The following XKR4 variants were observed in gnomAD, a reference collection of about 807,000 sequenced individuals.
XKR4 encodes XK-related protein 4.
XKR4 carries 12 observed loss-of-function variants against 53.9 expected under a neutral mutation model. The observed-to-expected ratio is 0.22, with a 90% CI of 0.14 to 0.36. The LOEUF is 0.36. XKR4 is among the 10% of genes least tolerant of loss of function. XKR4 has a pLI of 1.00. For missense variants in XKR4, 799 were observed against 859.5 expected (o/e 0.93, Z 0.88); for synonymous variants, 354 against 362.4 (o/e 0.98, Z 0.26).
At chr8:55,331,865 A>G (rs1413165755) in intron 1 of XKR4, among the ~76,000 whole-genome samples, 2 of 152,214 alleles carry the variant, frequency 1.3e-5, no homozygotes, top group East Asian at 3.9e-4. Context: ...ACAGCATGTA[A>G]TTGGGTGCTG....
At chr8:55,179,133 A>G (rs11997430) in intron 1 of XKR4, among the ~76,000 whole-genome samples, 14,475 of 152,160 alleles carry the variant, frequency 0.095, 1,900 homozygotes, top group African/African-American at 0.29. Flanking sequence ...TAAAATATCA[A>G]AGTTTACTAG....
intron 2 of XKR4, among the ~76,000 whole-genome samples, chr8:55,369,616 A>G (rs1342056225): frequency 6.6e-6 from 1 of 151,984 alleles, no homozygotes; most frequent in Non-Finnish European, 1.5e-5. Flanking sequence ...CCCCTAAGAA[A>G]TAATTAAGAA....
In XKR4 at chr8:55,165,295, A is replaced by G. The variant is rs907577357; in HGVS notation, c.806+62001A>G. ...ACCAGGGCTAATCAAAATGCCAGCT[A>G]TTTTAAGATCTTTGACCATGTAATG... On this transcript the variant is annotated intron_variant, in intron 1 of 2. Transcript: ENST00000327381. Among the ~76,000 whole-genome samples the G allele has an allele frequency of 9.9e-5, 15 of 152,258 alleles. 1 individual carries two copies. The highest frequency in any genetic ancestry group is 8.5e-4 in the Admixed American group (13 of 15,304).
At position 55,525,477 on chromosome 8, in the gene XKR4, C is replaced by A. The variant is rs1806870982; in HGVS notation, c.*1250C>A. 1 of 152,512 alleles carries A rather than the reference C, an allele frequency of 6.6e-6. No individual in the cohort carries two copies. Among genetic ancestry groups the A allele is most frequent in the Non-Finnish European group, 1.5e-5 (1 of 68,010 alleles). The allele number at this position is 152,512 out of a possible 1,614,324, so 9.4% of individuals were successfully genotyped here. A position where few individuals can be genotyped will look rare whatever the true frequency, so the allele number is the denominator to read the frequency against. On this transcript the variant is annotated 3_prime_UTR_variant, in exon 3 of 3. Coordinates refer to ENST00000327381, the MANE Select transcript of XKR4 (RefSeq NM_052898.2). ...TGCAATGAATATGCTATGAAAAAAC[C>A]CTTCTGAACTGAGAGAGGGCTTATC...
chr8:55,487,328 C>CA (rs1806208036), intron 2 of XKR4, among the ~76,000 whole-genome samples: 1 of 152,218 alleles, frequency 6.6e-6, no homozygotes, highest in African/African-American at 2.4e-5. Context: ...AGCCCACAGT[C>CA]AGTTGGCTGG....
At chr8:55,140,226 A>G (rs1464700879) in intron 1 of XKR4, 1 of 386,426 alleles carries the variant, frequency 2.6e-6, no homozygotes, top group Non-Finnish European at 5.0e-6. Flanking sequence ...TCTAATAAAT[A>G]ATGATTAGTT....
At chr8:55,238,928 C>T (rs1353325124) in intron 1 of XKR4, among the ~76,000 whole-genome samples, 1 of 152,160 alleles carries the variant, frequency 6.6e-6, no homozygotes, top group Non-Finnish European at 1.5e-5. Flanking sequence ...AGTTACAACT[C>T]AGTTCTCTAT....
intron 2 of XKR4, among the ~76,000 whole-genome samples, chr8:55,495,564 G>T (rs541638676): frequency 9.2e-4 from 140 of 152,320 alleles, no homozygotes; most frequent in African/African-American, 3.3e-3. Context: ...GTGGCTTCCA[G>T]GGTCGTGGGC....
chr8:55,279,407 C>T (rs1585983369), intron 1 of XKR4, among the ~76,000 whole-genome samples: 2 of 152,300 alleles, frequency 1.3e-5, no homozygotes, highest in South Asian at 4.1e-4. Flanking sequence ...AGTGGCTCCA[C>T]TCTCGGCTTG....
At chr8:55,254,674 T>A (rs1481738200) in intron 1 of XKR4, among the ~76,000 whole-genome samples, 1 of 152,148 alleles carries the variant, frequency 6.6e-6, no homozygotes, top group East Asian at 1.9e-4. Context: ...GGGAACGATA[T>A]GCCAAACTGT....
chr8:55,433,009 G>A (rs1265948001), intron 2 of XKR4, among the ~76,000 whole-genome samples: 1 of 152,138 alleles, frequency 6.6e-6, no homozygotes, highest in Non-Finnish European at 1.5e-5. Context: ...TGGCAAACTG[G>A]CTTGTAAAGG....
intron 2 of XKR4, among the ~76,000 whole-genome samples, chr8:55,402,832 A>G (rs552188803): frequency 7.9e-5 from 12 of 152,170 alleles, no homozygotes; most frequent in Non-Finnish European, 1.8e-4. Context: ...AGATGAATGG[A>G]TATGAAAACT....
chr8:55,436,364 T>C (rs1194155395), intron 2 of XKR4, among the ~76,000 whole-genome samples: 1 of 152,192 alleles, frequency 6.6e-6, no homozygotes, highest in East Asian at 1.9e-4. Context: ...AGTCTGCAGA[T>C]GTGCTTTTAA....
intron 2 of XKR4, among the ~76,000 whole-genome samples, chr8:55,401,317 G>T (rs1563341328): frequency 6.6e-6 from 1 of 152,234 alleles, no homozygotes; most frequent in Non-Finnish European, 1.5e-5. Context: ...AGCACACAAG[G>T]AGTGGGAGGC....
intron 1 of XKR4, among the ~76,000 whole-genome samples, chr8:55,353,365 G>A (rs1803753567): frequency 6.6e-6 from 1 of 152,128 alleles, no homozygotes; most frequent in Admixed American, 6.5e-5. Flanking sequence ...ACACACACAG[G>A]GAGAATGCCC....
Position 55,463,800 on chromosome 8 carries a change from A to G in XKR4, c.1007-59481A>G, listed in dbSNP as rs576810893. On this transcript the variant is annotated intron_variant, in intron 2 of 2. Coordinates refer to ENST00000327381, the MANE Select transcript of XKR4 (RefSeq NM_052898.2). ...AAAAAATGATAAAGGGGATATCACC[A>G]CCAATCCCACAGAAATACAAACTAC... Among the ~76,000 whole-genome samples, 19 of 152,290 alleles carry G rather than the reference A, an allele frequency of 1.2e-4. No homozygotes were observed. The East Asian group carries it at 3.7e-3, about 29-fold the overall frequency.
chr8:55,485,976 G>C (rs1329181743), intron 2 of XKR4, among the ~76,000 whole-genome samples: 1 of 152,066 alleles, frequency 6.6e-6, no homozygotes, highest in Non-Finnish European at 1.5e-5. Flanking sequence ...TTCTTAAAAG[G>C]GAATTTAAGA....
intron 2 of XKR4, among the ~76,000 whole-genome samples, chr8:55,445,448 T>C (rs1805333793): frequency 6.6e-6 from 1 of 152,202 alleles, no homozygotes; most frequent in South Asian, 2.1e-4. Context: ...TATTTAATTT[T>C]ATATAAAGTG....
chr8:55,386,881 T>TA (rs1434724759), intron 2 of XKR4, among the ~76,000 whole-genome samples: 1 of 152,258 alleles, frequency 6.6e-6, no homozygotes, highest in African/African-American at 2.4e-5. Flanking sequence ...CCCTCACTTC[T>TA]AAAAAATCCA....
Sources: allele counts gnomAD v4.1 joint callset (sites outside exome capture counted in the v4.1 genomes callset), GRCh38; gene constraint gnomAD v4.1.1; transcripts MANE v1.5; gene names NCBI Gene and HGNC (gene_info 2026-07-23, HGNC 2026-07-21).